TNRC18: variants seen among roughly 807,000 people sequenced by gnomAD.
The protein encoded by TNRC18 is trinucleotide repeat containing 18.
TNRC18 carries 69 observed loss-of-function variants against 226.7 expected under a neutral mutation model. The observed-to-expected ratio is 0.30, with a 90% confidence interval of 0.25 to 0.37. The LOEUF (loss-of-function observed/expected upper bound fraction) is 0.37. TNRC18 is among the 10% of genes least tolerant of loss of function. The pLI is 1.00. For missense variants in TNRC18, 4,754 were observed against 4,256.6 expected, an observed-to-expected ratio of 1.12 and a Z score of -3.25; for synonymous variants, 2,449 against 1,927.6, an observed-to-expected ratio of 1.27 and a Z score of -7.09.
chr7:5,357,688 C>G (rs1284102033), intron 15 of TNRC18, among the ~76,000 whole-genome samples: 2 of 152,162 alleles, frequency 1.3e-5, no homozygotes, highest in East Asian at 1.9e-4. Flanking sequence ...GGGGTTTCAT[C>G]ATGTTGCCCA....
Position 5,312,054 on chromosome 7 carries a change from T to A in TNRC18, c.8388+449A>T, listed in dbSNP as rs1787275007. 6.6e-6 allele frequency among the ~76,000 whole-genome samples: 1 copy of A among 152,152 alleles called. No individual in the cohort carries two copies. Among genetic ancestry groups the A allele is most frequent in the Admixed American group, 6.5e-5 (1 of 15,272 alleles). ...GGGAGGCTGACGCAGGAGAATTGCT[T>A]GAACCCGGGAGGCAGAGGGTGCAGT... is the stretch of plus-strand genomic sequence containing the variant. On this transcript the variant is annotated intron_variant, in intron 27 of 29. Coordinates refer to ENST00000430969, the MANE Select transcript of TNRC18 (RefSeq NM_001080495.3). This position sits in a 1 kb window ranked among gnomAD's most constrained non-coding sequence, Gnocchi z 6.3.
At chr7:5,338,897 G>A (rs1225972520) in intron 18 of TNRC18, among the ~76,000 whole-genome samples, 1 of 142,714 alleles carries the variant, frequency 7.0e-6, no homozygotes, top group Non-Finnish European at 1.5e-5. Context: ...TCCAGCCTGG[G>A]CAATGAGAGC....
At chr7:5,406,878 AAAAAG>A (rs1337847884) in intron 2 of TNRC18, among the ~76,000 whole-genome samples, 37 of 152,126 alleles carry the variant, frequency 2.4e-4, no homozygotes, top group Non-Finnish European at 3.2e-4. Flanking sequence ...AAAGAAAAGA[AAAAAG>A]AAAAGAAAAG....
In TNRC18 at chr7:5,394,411, C is replaced by T. The variant is rs1780514238; in HGVS notation, c.343+29G>A. 6.7e-7 allele frequency: 1 copy of T among 1,501,390 alleles called. No homozygotes were observed. Among genetic ancestry groups the T allele is most frequent in the Admixed American group, 2.4e-5 (1 of 41,338 alleles). The allele number at this position is 1,501,390 out of a possible 1,614,324, so 93.0% of individuals were successfully genotyped here. Reference sequence around the variant, plus strand: ...TGGCTGGGACGTCAGCCCAGCAGCCCTCAGCCCCGACCCCGGCATGTTCCT... The same window carrying T: ...TGGCTGGGACGTCAGCCCAGCAGCCTTCAGCCCCGACCCCGGCATGTTCCT... On this transcript the variant is annotated intron_variant, in intron 3 of 29. Transcript: ENST00000430969. This position sits in a 1 kb window ranked among gnomAD's most constrained non-coding sequence, Gnocchi z 4.5.
In TNRC18 at chr7:5,377,316, G is replaced by GCCCCCCCCCCCCCCCACCC; in HGVS notation, c.2461+54_2461+55insGGGTGGGGGGGGGGGGGGG. ...AGCCCTGAGCTCTTGTCCTGCACCC[G>GCCCCCCCCCCCCCCCACCC]CCCCCTCCCACCCCTCCCTCAGAGA... is the stretch of plus-strand genomic sequence containing the variant. On this transcript the variant is annotated intron_variant, in intron 7 of 29. Coordinates refer to ENST00000430969, the MANE Select transcript of TNRC18 (RefSeq NM_001080495.3). The surrounding 1 kb of genome is among the most constrained non-coding windows in gnomAD (Gnocchi z 5.8). The GCCCCCCCCCCCCCCCACCC allele has an allele frequency of 2.2e-6, 1 of 453,414 alleles. No homozygotes were observed. Among genetic ancestry groups the GCCCCCCCCCCCCCCCACCC allele is most frequent in the African/African-American group, 2.1e-5 (1 of 48,348 alleles). 28.1% of individuals were successfully genotyped at this position (453,414 alleles called of 1,614,324 possible).
intron 2 of TNRC18, among the ~76,000 whole-genome samples, chr7:5,413,588 G>A (rs1312858879): frequency 6.6e-6 from 1 of 152,198 alleles, no homozygotes; most frequent in Non-Finnish European, 1.5e-5. Flanking sequence ...TGAGTGCAGT[G>A]GTGCGACCAC....
At chr7:5,343,619 G>GT (rs1790886512) in intron 18 of TNRC18, among the ~76,000 whole-genome samples, 1 of 152,122 alleles carries the variant, frequency 6.6e-6, no homozygotes. Flanking sequence ...TAGAGATGGG[G>GT]TCTCGCTCTG....
chr7:5,323,671 G>C (rs1212180540), intron 21 of TNRC18, among the ~76,000 whole-genome samples: 3 of 148,990 alleles, frequency 2.0e-5, no homozygotes. Flanking sequence ...GGTTTCAAGT[G>C]ATTCTCCTGC....
chr7:5,419,814 A>C (rs1403375581), intron 2 of TNRC18: 1 of 152,104 alleles, frequency 6.6e-6, no homozygotes, highest in East Asian at 1.9e-4. Flanking sequence ...CCAGTTCCTG[A>C]AAAGTTCCAG....
intron 5 of TNRC18, among the ~76,000 whole-genome samples, chr7:5,379,371 G>A (rs1053457908): frequency 2.0e-5 from 3 of 151,670 alleles, no homozygotes; most frequent in Non-Finnish European, 4.4e-5. Flanking sequence ...ACTCCAGCCT[G>A]GGTGACAGAG....
chr7:5,345,516 C>CTGGGGG, intron 18 of TNRC18, 46 bp downstream of exon 18: 1 of 354,368 alleles, frequency 2.8e-6, no homozygotes. Flanking sequence ...CAATGGCGTC[C>CTGGGGG]GCCCCTCCCA....
chr7:5,351,232 G>C (rs1298081222), intron 17 of TNRC18, among the ~76,000 whole-genome samples: 3 of 151,618 alleles, frequency 2.0e-5, no homozygotes, highest in Non-Finnish European at 2.9e-5. Flanking sequence ...AAAATGAGAG[G>C]GAAGCGTCAA....
chr7:5,382,369 T>C (rs1779457278), intron 5 of TNRC18, among the ~76,000 whole-genome samples: 1 of 152,106 alleles, frequency 6.6e-6, no homozygotes, highest in African/African-American at 2.4e-5. Context: ...GAGGGTGTCC[T>C]GCAGCAAAAG....
Position 5,313,439 on chromosome 7 carries a change from C to G in TNRC18, c.7452G>C (p.Arg2484=), listed in dbSNP as rs755638607. ...SKKAKEALLL[R]EDPGAGGWQE... ...GCCAGCCCCCCGCCCCCGGATCCTCCCGGAGCAGCAGGGCCTCTTTAGCCT... is the reference window on the plus strand; with the variant it reads ...GCCAGCCCCCCGCCCCCGGATCCTCGCGGAGCAGCAGGGCCTCTTTAGCCT... The change falls in exon 27 of 30, where the codon CGG becomes CGC. Residue 2484 remains arginine (R), a synonymous_variant. Coordinates refer to ENST00000430969, the MANE Select transcript of TNRC18 (RefSeq NM_001080495.3). 14 of 1,611,052 alleles carry G rather than the reference C, an allele frequency of 8.7e-6. No homozygotes were observed. Among genetic ancestry groups the G allele is most frequent in the Non-Finnish European group, 6.8e-6 (8 of 1,178,954 alleles).
At position 5,374,198 on chromosome 7, in the gene TNRC18, G is replaced by C; in HGVS notation, c.3086C>G (p.Ser1029Cys). 4 of 899,914 alleles carry C rather than the reference G, an allele frequency of 4.4e-6. No individual in the cohort carries two copies. Among genetic ancestry groups the C allele is most frequent in the East Asian group, 1.4e-4 (2 of 14,090 alleles). 55.7% of individuals were successfully genotyped at this position (899,914 alleles called of 1,614,324 possible). Residue 1029 changes from serine to cysteine, a missense_variant, in exon 10 of 30, where the codon TCC becomes TGC. Physicochemically the swap from Ser to Cys is moderately radical, Grantham distance 112. Coordinates refer to ENST00000430969, the MANE Select transcript of TNRC18 (RefSeq NM_001080495.3). ...PAYAYPATPS[S>C]HPTSPPPASP... is the part of the protein sequence containing the mutation. Reference sequence around the variant, plus strand: ...GGCGGGCGGCGGGCTGGTGGGGTGGGAGCTGGGGGTGGCGGGGTAGGCGTA... The same window carrying C: ...GGCGGGCGGCGGGCTGGTGGGGTGGCAGCTGGGGGTGGCGGGGTAGGCGTA...
At chr7:5,327,950 G>A (rs1185448390) in intron 19 of TNRC18, among the ~76,000 whole-genome samples, 1 of 152,104 alleles carries the variant, frequency 6.6e-6, no homozygotes, top group Non-Finnish European at 1.5e-5. Flanking sequence ...AGCCAGGCGC[G>A]GTGGCTCACG....
intron 9 of TNRC18, among the ~76,000 whole-genome samples, chr7:5,374,993 C>T (rs918544664): frequency 1.3e-5 from 2 of 152,176 alleles, no homozygotes; most frequent in Admixed American, 6.5e-5. Context: ...CCAATGCCTA[C>T]CTGGGCCGGT....
At chr7:5,331,922 T>C (rs1246836923) in intron 19 of TNRC18, among the ~76,000 whole-genome samples, 1 of 151,890 alleles carries the variant, frequency 6.6e-6, no homozygotes, top group Non-Finnish European at 1.5e-5. Context: ...AAATATAAAA[T>C]AATAAAATTT....
chr7:5,312,833 G>T lies in TNRC18; in HGVS notation c.8058C>A (p.Ala2686=). 1 of 1,532,112 alleles carries T rather than the reference G, an allele frequency of 6.5e-7. No individual in the cohort carries two copies. Among genetic ancestry groups the T allele is most frequent in the Non-Finnish European group, 8.8e-7 (1 of 1,141,324 alleles). 94.9% of individuals were successfully genotyped at this position (1,532,112 alleles called of 1,614,324 possible). A position where few individuals can be genotyped will look rare whatever the true frequency, so the allele number is the denominator to read the frequency against. The part of the protein sequence containing the change: ...DSSCSSDDEA[A]PAPTAGPSAQ... ...CGGAAGGGCCAGCCGTGGGGGCGGG[G>T]GCTGCCTCATCGTCCGAGCTGCAGG... Residue 2686 remains alanine (A), a synonymous_variant, in exon 27 of 30, where the codon GCC becomes GCA. Coordinates refer to ENST00000430969, the MANE Select transcript of TNRC18 (RefSeq NM_001080495.3). This position sits in a 1 kb window ranked among gnomAD's most constrained non-coding sequence, Gnocchi z 6.3.
Sources: allele counts gnomAD v4.1 joint callset (sites outside exome capture counted in the v4.1 genomes callset), GRCh38; gene constraint gnomAD v4.1.1; non-coding constraint Gnocchi (gnomAD v3.1); transcripts MANE v1.5; gene names NCBI Gene and HGNC (gene_info 2026-07-23, HGNC 2026-07-21).